Variants in ZNF385B observed in about 807,000 individuals in gnomAD.
ZNF385B encodes the protein zinc finger protein 385B.
Under a neutral mutation model 39.2 loss-of-function variants are expected in ZNF385B, and 23 were observed. The observed-to-expected ratio is 0.59, with a 90% CI of 0.42 to 0.83. ZNF385B has a LOEUF of 0.83. Ranked by LOEUF, ZNF385B falls within the 40% of genes least tolerant of loss-of-function variation. The probability of loss-of-function intolerance (pLI) is 0.00; values close to 1 mark genes in which losing one functional copy is unlikely to be tolerated. For missense variants in ZNF385B, 552 were observed against 598.9 expected (o/e 0.92, Z 0.82); for synonymous variants, 205 against 222.6 (o/e 0.92, Z 0.70).
intron 3 of ZNF385B, among the ~76,000 whole-genome samples, chr2:179,667,482 A>T (rs1049069819): frequency 1.6e-4 from 24 of 152,164 alleles, no homozygotes; most frequent in Non-Finnish European, 2.9e-5. Context: ...CTTCTACCTA[A>T]TCTAACCCCT....
chr2:179,592,600 C>T (rs1033920299), intron 3 of ZNF385B, among the ~76,000 whole-genome samples: 4 of 151,902 alleles, frequency 2.6e-5, no homozygotes, highest in African/African-American at 4.8e-5. Context: ...AAAAGTATAC[C>T]GTAAGATGTT....
At chr2:179,611,655 T>C (rs1689299434) in intron 3 of ZNF385B, among the ~76,000 whole-genome samples, 1 of 152,132 alleles carries the variant, frequency 6.6e-6, no homozygotes, top group Admixed American at 6.5e-5. Flanking sequence ...TCATCAGTTG[T>C]CTCAGGCTTT....
rs1553562948 is a variant in ZNF385B at position 179,475,255 on chromosome 2, T to TTA, written c.715+8016_715+8017insTA. 2.3e-3 allele frequency among the ~76,000 whole-genome samples: 340 copies of TTA among 150,292 alleles called. 4 individuals are homozygous for TTA. The highest frequency in any genetic ancestry group is 0.013 in the Admixed American group (198 of 15,084). The stretch of plus-strand genomic sequence containing the variant: ...GACCATTTCCATTATCGCACAATTT[T>TTA]TTTTTTTTTTTTTTTGACAGAATCT... On this transcript the variant is annotated intron_variant, in intron 6 of 9. Transcript: ENST00000410066.
chr2:179,611,578 C>T (rs12615343), intron 3 of ZNF385B, among the ~76,000 whole-genome samples: 22,079 of 152,044 alleles, frequency 0.15, 1,875 homozygotes, highest in East Asian at 0.25. Flanking sequence ...GGAAGTATTT[C>T]CTCCTCCTAT....
At chr2:179,498,268 A>G (rs1166705658) in intron 5 of ZNF385B, among the ~76,000 whole-genome samples, 2 of 151,854 alleles carry the variant, frequency 1.3e-5, no homozygotes, top group African/African-American at 4.8e-5. Context: ...TCTTTTCCTC[A>G]ACACATGGCT....
chr2:179,508,363 G>C (rs1374674155), intron 5 of ZNF385B, among the ~76,000 whole-genome samples: 3 of 152,078 alleles, frequency 2.0e-5, no homozygotes, highest in Non-Finnish European at 4.4e-5. Context: ...TATTGTTAAG[G>C]ATTCTGCAAC....
Position 179,802,201 on chromosome 2 carries a change from T to C in ZNF385B, c.-154-31529A>G, listed in dbSNP as rs141273326. On this transcript the variant is annotated intron_variant, in intron 1 of 9. Transcript: ENST00000410066. ...TATACTCTGAGACCCTCCAAATATG[T>C]ACTGCTTATTCCAATCTTTAAAATA... 3.7e-3 allele frequency among the ~76,000 whole-genome samples: 568 copies of C among 152,248 alleles called. 3 individuals carry two copies. Among genetic ancestry groups the C allele is most frequent in the African/African-American group, 0.013 (529 of 41,556 alleles).
chr2:179,537,032 C>T (rs561120637), intron 4 of ZNF385B, among the ~76,000 whole-genome samples: 30 of 149,694 alleles, frequency 2.0e-4, no homozygotes, highest in African/African-American at 4.4e-4. Context: ...GAGGGACGGC[C>T]GGGATAGGTG....
At chr2:179,856,874 A>C (rs752309470) in intron 1 of ZNF385B, among the ~76,000 whole-genome samples, 10 of 152,210 alleles carry the variant, frequency 6.6e-5, no homozygotes, top group Non-Finnish European at 1.5e-4. Flanking sequence ...TCAAAATAGA[A>C]AATAATATTG....
At chr2:179,507,282 C>T (rs889837040) in intron 5 of ZNF385B, among the ~76,000 whole-genome samples, 1 of 152,050 alleles carries the variant, frequency 6.6e-6, no homozygotes, top group Non-Finnish European at 1.5e-5. Flanking sequence ...TTTTAGGGAG[C>T]CCATAGGCCC....
chr2:179,719,039 C>T (rs937064982), intron 3 of ZNF385B, among the ~76,000 whole-genome samples: 4 of 151,790 alleles, frequency 2.6e-5, no homozygotes, highest in African/African-American at 9.7e-5. Context: ...GCCAGCTTAT[C>T]ATGAACTGCC....
intron 3 of ZNF385B, among the ~76,000 whole-genome samples, chr2:179,607,566 G>A (rs1688916832): frequency 6.6e-6 from 1 of 152,086 alleles, no homozygotes; most frequent in Admixed American, 6.6e-5. Context: ...CTTTATAGCA[G>A]TGTGAAAATG....
intron 6 of ZNF385B, among the ~76,000 whole-genome samples, chr2:179,457,381 G>A (rs1454515744): frequency 6.6e-6 from 1 of 151,894 alleles, no homozygotes; most frequent in Non-Finnish European, 1.5e-5. Flanking sequence ...ACTCATTTTT[G>A]TTATGTATAT....
chr2:179,538,388 C>G (rs2059715259), intron 4 of ZNF385B, among the ~76,000 whole-genome samples: 1 of 152,022 alleles, frequency 6.6e-6, no homozygotes, highest in South Asian at 2.1e-4. Context: ...TTTAGGTTTC[C>G]TTACAACAAC....
At chr2:179,697,551 G>A (rs897297056) in intron 3 of ZNF385B, among the ~76,000 whole-genome samples, 1 of 152,096 alleles carries the variant, frequency 6.6e-6, no homozygotes, top group Non-Finnish European at 1.5e-5. Flanking sequence ...ACAGTCTCGG[G>A]CAGTTCTTAT....
rs1553525684 is a variant in ZNF385B, at chr2:179,760,223, C to CGTGCGTGTGTGTGT, written c.298+9279_298+9280insACACACACACGCAC. Among the ~76,000 whole-genome samples, 7 of 144,476 alleles carry CGTGCGTGTGTGTGT rather than the reference C, an allele frequency of 4.8e-5. No homozygotes were observed. The East Asian group carries it at 1.0e-3, about 21-fold the overall frequency. The allele number at this position is 144,476 out of a possible 152,430, so 94.8% of individuals were successfully genotyped here. On this transcript the variant is annotated intron_variant, in intron 3 of 9. Coordinates refer to ENST00000410066, the MANE Select transcript of ZNF385B (RefSeq NM_152520.6). ...CCAGTATTACCTGGATTCCTGTGTG[C>CGTGCGTGTGTGTGT]GTGTGTGTGTGTGTGTGTGTGTGTG...
At chr2:179,715,353 T>C (rs1186769919) in intron 3 of ZNF385B, among the ~76,000 whole-genome samples, 1 of 152,216 alleles carries the variant, frequency 6.6e-6, no homozygotes, top group Admixed American at 6.5e-5. Context: ...AACTTCCAGA[T>C]ATTTGCTCTT....
At chr2:179,705,026 C>T (rs1699483883) in intron 3 of ZNF385B, among the ~76,000 whole-genome samples, 1 of 152,112 alleles carries the variant, frequency 6.6e-6, no homozygotes, top group Non-Finnish European at 1.5e-5. Context: ...TTTTTTTCCC[C>T]TGGCCTAAAC....
At chr2:179,470,592 C>T (rs1374302576) in intron 6 of ZNF385B, among the ~76,000 whole-genome samples, 1 of 152,154 alleles carries the variant, frequency 6.6e-6, no homozygotes, top group Non-Finnish European at 1.5e-5. Context: ...ACCAGTCAGC[C>T]TTCTAGCCTC....
Sources: gnomAD v4.1 joint callset for allele counts (sites outside exome capture counted in the v4.1 genomes callset) on GRCh38, gnomAD v4.1.1 for gene constraint, MANE v1.5 for transcripts, NCBI Gene and HGNC (gene_info 2026-07-23, HGNC 2026-07-21) for gene names.